The following GLI3 variants were observed in gnomAD, a reference collection of about 807,000 sequenced individuals.
GLI3 encodes the protein GLI family zinc finger 3.
GLI3 carries 20 observed loss-of-function variants against 100.8 expected under a neutral mutation model. That is an observed-to-expected ratio of 0.20 (90% CI 0.14 to 0.29). The LOEUF is 0.29. GLI3 is among the 10% of genes least tolerant of loss of function. The pLI, the probability that GLI3 is intolerant of heterozygous loss-of-function variation, is 1.00. For synonymous variants in GLI3, 938 were observed against 860.5 expected, an observed-to-expected ratio of 1.09 and a Z score of -1.58; for missense variants, 2,040 against 2,128.5, an observed-to-expected ratio of 0.96 and a Z score of 0.82.
At chr7:42,090,236 G>A (rs868680671) in intron 3 of GLI3, among the ~76,000 whole-genome samples, 53 of 152,216 alleles carry the variant, frequency 3.5e-4, no homozygotes, top group Non-Finnish European at 2.2e-4. Flanking sequence ...GTGAATGAAT[G>A]TGAAGACCTA....
chr7:42,198,061 C>T (rs1237743704), intron 2 of GLI3, among the ~76,000 whole-genome samples: 2 of 152,052 alleles, frequency 1.3e-5, no homozygotes, highest in African/African-American at 4.8e-5. Flanking sequence ...TAAAAATTAT[C>T]CTAAATTCTT....
intron 10 of GLI3, among the ~76,000 whole-genome samples, chr7:41,998,057 A>G (rs116808090): frequency 0.023 from 3,429 of 152,278 alleles, 116 homozygotes; most frequent in African/African-American, 0.077. Flanking sequence ...AAGGGCAAGA[A>G]TTAGGAATTC....
rs549053033 is a variant in GLI3 at position 42,171,086 on chromosome 7, G to A, written c.125-22618C>T. Reference sequence around the variant, plus strand: ...CTCTTCTGACTCTATACAGCTCTAGGAACTGTATTATCAGTTCACTGTCTT... The same window carrying A: ...CTCTTCTGACTCTATACAGCTCTAGAAACTGTATTATCAGTTCACTGTCTT... On this transcript the variant is annotated intron_variant, in intron 2 of 14. Transcript: ENST00000395925. 7.9e-5 allele frequency among the ~76,000 whole-genome samples: 12 copies of A among 152,212 alleles called. No homozygotes were observed. In the South Asian group the frequency reaches 2.5e-3, roughly 32 times the overall value.
At chr7:42,117,145 CTA>C (rs1562739307) in intron 3 of GLI3, among the ~76,000 whole-genome samples, 1 of 152,118 alleles carries the variant, frequency 6.6e-6, no homozygotes, top group East Asian at 1.9e-4. Context: ...TCAAAAATTA[CTA>C]TGTCAAGGAA....
At chr7:42,124,547 C>T (rs906256982) in intron 3 of GLI3, among the ~76,000 whole-genome samples, 4 of 152,156 alleles carry the variant, frequency 2.6e-5, no homozygotes, top group Non-Finnish European at 5.9e-5. Flanking sequence ...GGATGAAAAG[C>T]GTCCGTGTAC....
intron 1 of GLI3, among the ~76,000 whole-genome samples, chr7:42,243,298 T>A (rs145808194): frequency 2.0e-5 from 3 of 152,176 alleles, no homozygotes; most frequent in Non-Finnish European, 4.4e-5. Context: ...TGGTCCAGCA[T>A]GACTAGGAAA....
intron 1 of GLI3, among the ~76,000 whole-genome samples, chr7:42,252,010 C>A (rs1371742287): frequency 2.0e-5 from 3 of 152,038 alleles, no homozygotes; most frequent in Non-Finnish European, 4.4e-5. Flanking sequence ...TGGGTATATA[C>A]CCAAAGGAAT....
At chr7:42,207,646 T>C (rs1324837551) in intron 2 of GLI3, among the ~76,000 whole-genome samples, 4 of 152,096 alleles carry the variant, frequency 2.6e-5, no homozygotes, top group African/African-American at 4.8e-5. Flanking sequence ...TGATAGGGGA[T>C]TGATTGAGTA....
At chr7:42,211,742 C>A (rs1225163758) in intron 2 of GLI3, among the ~76,000 whole-genome samples, 2 of 152,166 alleles carry the variant, frequency 1.3e-5, no homozygotes, top group African/African-American at 4.8e-5. Context: ...CACGCCATGT[C>A]CTCCCAAAGG....
At chr7:42,169,505 A>G (rs185746437) in intron 2 of GLI3, among the ~76,000 whole-genome samples, 76 of 152,360 alleles carry the variant, frequency 5.0e-4, no homozygotes, top group African/African-American at 1.7e-3. Flanking sequence ...TTAGCAGGAT[A>G]GCATTGGTGC....
At chr7:42,185,141 G>C (rs1787693681) in intron 2 of GLI3, among the ~76,000 whole-genome samples, 1 of 152,168 alleles carries the variant, frequency 6.6e-6, no homozygotes, top group African/African-American at 2.4e-5. Flanking sequence ...GTGCTACTGG[G>C]TCCCCTCCTC....
At chr7:42,115,183 G>T (rs1052430324) in intron 3 of GLI3, among the ~76,000 whole-genome samples, 3 of 128,748 alleles carry the variant, frequency 2.3e-5, no homozygotes, top group African/African-American at 9.0e-5. Flanking sequence ...CTGTCTCCCA[G>T]GTTGGAGTGC....
intron 3 of GLI3, among the ~76,000 whole-genome samples, chr7:42,106,971 T>C (rs904785598): frequency 9.2e-5 from 14 of 152,132 alleles, no homozygotes; most frequent in African/African-American, 3.4e-4. Flanking sequence ...ATGTGGGAAC[T>C]ACTGATTTGT....
intron 13 of GLI3, among the ~76,000 whole-genome samples, chr7:41,968,210 A>T (rs1787242081): frequency 6.6e-6 from 1 of 152,136 alleles, no homozygotes; most frequent in African/African-American, 2.4e-5. Flanking sequence ...CTCTGCAGAC[A>T]TACTTCCTCG....
intron 2 of GLI3, among the ~76,000 whole-genome samples, chr7:42,222,092 A>G (rs1788497198): frequency 6.6e-6 from 1 of 152,222 alleles, no homozygotes; most frequent in Admixed American, 6.5e-5. Flanking sequence ...CCCAGAGAGA[A>G]GTGGCCAGGC....
intron 1 of GLI3, among the ~76,000 whole-genome samples, chr7:42,225,193 T>C (rs1241260502): frequency 6.6e-6 from 1 of 152,206 alleles, no homozygotes; most frequent in Non-Finnish European, 1.5e-5. Flanking sequence ...TGTTTCTCAC[T>C]TGGTACAAGA....
chr7:42,046,100 C>A (rs1784239291), intron 5 of GLI3, among the ~76,000 whole-genome samples: 2 of 152,158 alleles, frequency 1.3e-5, no homozygotes, highest in Admixed American at 6.5e-5. Context: ...TCCTTTTCTT[C>A]ATTACAAAAT....
At chr7:42,245,246 G>A (rs754148884) in intron 1 of GLI3, among the ~76,000 whole-genome samples, 4 of 152,128 alleles carry the variant, frequency 2.6e-5, no homozygotes, top group Non-Finnish European at 5.9e-5. Context: ...GCTCAGTGTT[G>A]ACAACAAAGC....
chr7:42,009,521 G>A (rs1391319059), intron 10 of GLI3, among the ~76,000 whole-genome samples: 1 of 108,714 alleles, frequency 9.2e-6, no homozygotes, highest in Admixed American at 1.2e-4. Context: ...AAAAATTTCT[G>A]ATATTGGTTC....
Sources: gnomAD v4.1 joint callset for allele counts (sites outside exome capture counted in the v4.1 genomes callset) on GRCh38, gnomAD v4.1.1 for gene constraint, MANE v1.5 for transcripts, NCBI Gene and HGNC (gene_info 2026-07-23, HGNC 2026-07-21) for gene names.